The following ZNF518B variants were observed in gnomAD, a reference collection of about 807,000 sequenced individuals.
ZNF518B encodes zinc finger protein 518B.
A neutral mutation model predicts 56.3 loss-of-function variants in ZNF518B; 23 were observed. The ratio of observed to expected loss-of-function variants is 0.41; its 90% CI spans 0.29 to 0.58. The LOEUF (loss-of-function observed/expected upper bound fraction) is 0.58. ZNF518B is among the 20% of genes least tolerant of loss of function. The pLI is 0.32. For synonymous variants in ZNF518B, 529 were observed against 465.9 expected (o/e 1.14, Z -1.74); for missense variants, 1,460 against 1,272.1 (o/e 1.15, Z -2.25).
intron 2 of ZNF518B, 67 bp downstream of exon 2, chr4:10,454,738 C>T (rs1248641610): frequency 6.6e-6 from 1 of 152,238 alleles, no homozygotes; most frequent in South Asian, 2.1e-4. Context: ...TTTCTGCTAC[C>T]CTGCTGTGTG....
In ZNF518B at chr4:10,448,240, G is replaced by T. The variant is rs541959527; in HGVS notation, c.-211-1701C>A. Among the ~76,000 whole-genome samples the T allele has an allele frequency of 8.5e-5, 13 of 152,278 alleles. No homozygotes were observed. The East Asian group carries it at 2.1e-3, about 25-fold the overall frequency. On this transcript the variant is annotated intron_variant, in intron 2 of 2. Coordinates refer to ENST00000326756, the MANE Select transcript of ZNF518B (RefSeq NM_053042.3). The stretch of plus-strand genomic sequence containing the variant: ...TTGAGTCCTTCTCCAAGTGTCAAGA[G>T]GCACCCAGAGGGACTCAGTCAGTGT...
In ZNF518B at chr4:10,441,439, G is replaced by GA. The variant is rs35322882; in HGVS notation, c.*1664dup. The GA allele has an allele frequency of 0.83, 116,338 of 140,118 alleles. 49,413 individuals are homozygous for GA. Among genetic ancestry groups the GA allele is most frequent in the Non-Finnish European group, 0.93 (60,675 of 65,346 alleles). The allele number at this position is 140,118 out of a possible 1,614,324, so 8.7% of individuals were successfully genotyped here. ...ACTGGAATCTAAGACTTTCCCATGTGAAAAAAAAAAAAAAAAATCAAAGTC... is the reference window on the plus strand; with the variant it reads ...ACTGGAATCTAAGACTTTCCCATGTGAAAAAAAAAAAAAAAAAATCAAAGTC... On this transcript the variant is annotated 3_prime_UTR_variant, in exon 3 of 3. Coordinates refer to ENST00000326756, the MANE Select transcript of ZNF518B (RefSeq NM_053042.3).
At chr4:10,460,176 G>A (rs554142824), upstream of ZNF518B, among the ~76,000 whole-genome samples, 1 of 151,716 alleles carries the variant, frequency 6.6e-6, no homozygotes, top group East Asian at 1.9e-4. Flanking sequence ...GTGGTGGCGG[G>A]CGCCTGTAAT....
chr4:10,444,242 G>A lies in ZNF518B; in HGVS notation c.2087C>T (p.Ser696Leu). 1 of 1,614,202 alleles carries A rather than the reference G, an allele frequency of 6.2e-7. No homozygotes were observed. The highest frequency in any genetic ancestry group is 8.5e-7 in the Non-Finnish European group (1 of 1,180,046). The change falls in exon 3 of 3, where the codon TCA becomes TTA. Residue 696 changes from serine (S) to leucine (L), a missense_variant. By Grantham distance (145) the Ser-to-Leu change is moderately radical. Coordinates refer to ENST00000326756, the MANE Select transcript of ZNF518B (RefSeq NM_053042.3). ...SAHRRSVGQASKGTSKATSEG... is the reference protein window; with the variant it reads ...SAHRRSVGQALKGTSKATSEG... Reference sequence around the variant, plus strand: ...AGAGGTAGCTTTTGAAGTTCCCTTTGATGCCTGCCCTACAGAGCGACGATG... The same window carrying A: ...AGAGGTAGCTTTTGAAGTTCCCTTTAATGCCTGCCCTACAGAGCGACGATG...
chr4:10,443,025 TC>T lies in ZNF518B; in HGVS notation c.*78del. On this transcript the variant is annotated 3_prime_UTR_variant, in exon 3 of 3. Transcript: ENST00000326756. ...TCCTCTCATTTCTACAGTCTGTATT[TC>T]TTCTACTGAATCTTGGTGGAGGGAC... 1 of 1,271,078 alleles carries T rather than the reference TC, an allele frequency of 7.9e-7. No individual in the cohort carries two copies. The highest frequency in any genetic ancestry group is 2.3e-5 in the Admixed American group (1 of 42,944). The allele number at this position is 1,271,078 out of a possible 1,614,324, so 78.7% of individuals were successfully genotyped here.
chr4:10,455,472 G>A (rs1371822172), intron 1 of ZNF518B, among the ~76,000 whole-genome samples: 1 of 152,156 alleles, frequency 6.6e-6, no homozygotes, highest in Admixed American at 6.5e-5. Context: ...GGTTCGTACT[G>A]GTTGAAAGAA....
rs1714687332 is a variant in ZNF518B, at chr4:10,441,688, G to T, written c.*1416C>A. ...AGACTAGAATCCTGTCTTAAGCACT[G>T]ACCCAGCCACCTATCTGCCCAAGAG... is the stretch of plus-strand genomic sequence containing the variant. On this transcript the variant is annotated 3_prime_UTR_variant, in exon 3 of 3. Transcript: ENST00000326756. The T allele has an allele frequency of 6.6e-6, 1 of 152,318 alleles. No individual in the cohort carries two copies. Among genetic ancestry groups the T allele is most frequent in the African/African-American group, 2.4e-5 (1 of 41,468 alleles). The allele number at this position is 152,318 out of a possible 1,614,324, so 9.4% of individuals were successfully genotyped here.
chr4:10,460,173 C>T (rs545634190), upstream of ZNF518B, among the ~76,000 whole-genome samples: 2 of 151,646 alleles, frequency 1.3e-5, no homozygotes, highest in African/African-American at 4.8e-5. Flanking sequence ...GGCGTGGTGG[C>T]GGGCGCCTGT....
Position 10,446,313 on chromosome 4 carries a change from G to A in ZNF518B, c.16C>T (p.Gln6Ter). 6.2e-7 allele frequency: 1 copy of A among 1,610,534 alleles called. No homozygotes were observed. The change falls in exon 3 of 3, where the codon CAG (glutamine) becomes TAG (stop). Residue 6 changes from glutamine (Q) to a stop codon, truncating the protein, a stop_gained. Transcript: ENST00000326756. LOFTEE classifies it low-confidence loss of function (END_TRUNC). ...TTCAAGTGTGTAGTGTATAGCTGCT[G>A]TCCAATATCCTTCATCTTATCTGCA... MKDIG[Q>*]QLYTTHLNGG...
Position 10,443,069 on chromosome 4 carries a change from TAA to T in ZNF518B, c.*33_*34del. 2 of 1,570,416 alleles carry T rather than the reference TAA, an allele frequency of 1.3e-6. No individual in the cohort carries two copies. The highest frequency in any genetic ancestry group is 1.7e-6 in the Non-Finnish European group (2 of 1,158,126). On this transcript the variant is annotated 3_prime_UTR_variant, in exon 3 of 3. Transcript: ENST00000326756. ...GGAGGGACTCCAAACCAGAATAAAC[TAA>T]AAGATAACTTGCTTTAAAGAGTAAC...
At position 10,444,867 on chromosome 4, in the gene ZNF518B, A is replaced by T. The variant is rs1320804035; in HGVS notation, c.1462T>A (p.Ser488Thr). 4 of 1,613,688 alleles carry T rather than the reference A, an allele frequency of 2.5e-6. No individual in the cohort carries two copies. Among genetic ancestry groups the T allele is most frequent in the Non-Finnish European group, 2.5e-6 (3 of 1,179,870 alleles). ...CGTAAAACACTGTTTTTAAATACAGATGCTAGAGAATGACCTTTTAAGGCA... is the reference window on the plus strand; with the variant it reads ...CGTAAAACACTGTTTTTAAATACAGTTGCTAGAGAATGACCTTTTAAGGCA... ...SVALKGHSLA[S>T]VFKNSVLRSL... Residue 488 changes from serine to threonine, a missense_variant, in exon 3 of 3, where the codon TCT becomes ACT. Coordinates refer to ENST00000326756, the MANE Select transcript of ZNF518B (RefSeq NM_053042.3).
At position 10,445,200 on chromosome 4, in the gene ZNF518B, C is replaced by A. The variant is rs748335264; in HGVS notation, c.1129G>T (p.Asp377Tyr). The change falls in exon 3 of 3, where the codon GAT becomes TAT. Residue 377 changes from aspartate to tyrosine, a missense_variant. Asp to Tyr is a radical substitution (Grantham distance 160). Coordinates refer to ENST00000326756, the MANE Select transcript of ZNF518B (RefSeq NM_053042.3). ...EENNCLEAGR[D>Y]NGGNSERMVK... is the part of the protein sequence containing the mutation. ...ATACGTTCAGAATTACCTCCATTAT[C>A]CCTCCCAGCTTCAAGGCAATTATTT... is the stretch of plus-strand genomic sequence containing the variant. The A allele has an allele frequency of 5.6e-6, 9 of 1,614,088 alleles. No homozygotes were observed. In the South Asian group the frequency reaches 7.7e-5, roughly 14 times the overall value.
chr4:10,452,735 G>A (rs1430180229), intron 2 of ZNF518B: 1 of 151,986 alleles, frequency 6.6e-6, no homozygotes, highest in Non-Finnish European at 1.5e-5. Flanking sequence ...CAAAATGCTG[G>A]GTAAACAGAT....
intron 2 of ZNF518B, among the ~76,000 whole-genome samples, chr4:10,447,732 C>G (rs1715129062): frequency 6.7e-6 from 1 of 150,144 alleles, no homozygotes; most frequent in South Asian, 2.1e-4. Flanking sequence ...TCACTGCAAC[C>G]TCTGCCTCCA....
intron 1 of ZNF518B, among the ~76,000 whole-genome samples, chr4:10,456,416 C>A (rs1440813799): frequency 6.6e-6 from 1 of 152,108 alleles, no homozygotes; most frequent in South Asian, 2.1e-4. Flanking sequence ...CAAGATAAGA[C>A]GGGCAGGCCG....
chr4:10,444,212 C>T lies in ZNF518B; in HGVS notation c.2117G>A (p.Gly706Asp), dbSNP rs774050357. The change falls in exon 3 of 3, where the codon GGT (glycine) becomes GAT (aspartate). Residue 706 changes from glycine (G) to aspartate (D), a missense_variant. By Grantham distance (94) the Gly-to-Asp change is moderately conservative (BLOSUM62 -1). Transcript: ENST00000326756. ...SKGTSKATSEGIQEINVSLTG... is the reference protein window; with the variant it reads ...SKGTSKATSEDIQEINVSLTG... ...GAGTGACACGTTGATTTCTTGAATA[C>T]CTTCAGAGGTAGCTTTTGAAGTTCC... 6 of 1,614,202 alleles carry T rather than the reference C, an allele frequency of 3.7e-6. No homozygotes were observed. The South Asian group carries it at 4.4e-5, about 12-fold the overall frequency.
chr4:10,456,695 C>T (rs1041837413), intron 1 of ZNF518B, among the ~76,000 whole-genome samples: 5 of 152,196 alleles, frequency 3.3e-5, no homozygotes, highest in Admixed American at 2.6e-4. Context: ...GGCGCATCGT[C>T]GTCTCCCAGG....
At chr4:10,457,843 G>A (rs1715617732), upstream of ZNF518B, among the ~76,000 whole-genome samples, 1 of 152,078 alleles carries the variant, frequency 6.6e-6, no homozygotes, top group Non-Finnish European at 1.5e-5. Context: ...GAAGGAGATG[G>A]CCTTGAAGTC....
Position 10,444,036 on chromosome 4 carries a change from G to A in ZNF518B, c.2293C>T (p.His765Tyr), listed in dbSNP as rs376189415. 13 of 1,614,078 alleles carry A rather than the reference G, an allele frequency of 8.1e-6. No individual in the cohort carries two copies. The African/African-American group carries it at 1.7e-4, about 22-fold the overall frequency. ...KTKSRVARKA[H>Y]VATPVLIPKG... Reference sequence around the variant, plus strand: ...GGGATTAACACTGGCGTGGCAACATGAGCCTTCCTGGCCACTCTGCTTTTG... The same window carrying A: ...GGGATTAACACTGGCGTGGCAACATAAGCCTTCCTGGCCACTCTGCTTTTG... The change falls in exon 3 of 3, where the codon CAT (histidine) becomes TAT (tyrosine). Residue 765 changes from histidine to tyrosine, a missense_variant. Transcript: ENST00000326756.
Sources: gnomAD v4.1 joint callset for allele counts (sites outside exome capture counted in the v4.1 genomes callset) on GRCh38, gnomAD v4.1.1 for gene constraint, MANE v1.5 for transcripts, NCBI Gene and HGNC (gene_info 2026-07-23, HGNC 2026-07-21) for gene names.